The following CTNNA3 variants were observed in gnomAD, a reference collection of about 807,000 sequenced individuals.
CTNNA3 encodes catenin alpha-3.
A neutral mutation model predicts 95.7 loss-of-function variants in CTNNA3; 76 were observed. That is an observed-to-expected ratio of 0.79 (90% confidence interval 0.66 to 0.96). The LOEUF (loss-of-function observed/expected upper bound fraction) is 0.96, where lower values mean the gene tolerates loss of function less well. Among genes scored for constraint, CTNNA3 ranks in the 40% least tolerant of loss-of-function variants. CTNNA3 has a pLI of 0.00. For synonymous variants in CTNNA3, 431 were observed against 374.4 expected (o/e 1.15, Z -1.74); for missense variants, 1,191 against 1,089.8 (o/e 1.09, Z -1.31).
chr10:66,359,935 TCCTG>T lies in CTNNA3; in HGVS notation c.1732+19213_1732+19216del, dbSNP rs545330464. Among the ~76,000 whole-genome samples, 16 of 151,980 alleles carry T rather than the reference TCCTG, an allele frequency of 1.1e-4. No homozygotes were observed. In the East Asian group the frequency reaches 3.1e-3, roughly 30 times the overall value. The stretch of plus-strand genomic sequence containing the variant: ...TCTGCCTCCCAAGTTCAAGCTATTC[TCCTG>T]CCTAAGCCTCCTGAGTAGCTGGGAT... On this transcript the variant is annotated intron_variant, in intron 12 of 17. Transcript: ENST00000433211.
chr10:66,338,844 C>T (rs2092424024), intron 12 of CTNNA3, among the ~76,000 whole-genome samples: 1 of 151,750 alleles, frequency 6.6e-6, no homozygotes, highest in African/African-American at 2.4e-5. Flanking sequence ...GAAAATTTAT[C>T]CTAAGGAAAT....
intron 13 of CTNNA3, among the ~76,000 whole-genome samples, chr10:66,136,260 A>G (rs2133864182): frequency 6.6e-6 from 1 of 152,320 alleles, no homozygotes; most frequent in South Asian, 2.1e-4. Context: ...CATATAATAA[A>G]TCAATTCTCA....
At chr10:67,357,892 T>A (rs1463086470) in intron 5 of CTNNA3, among the ~76,000 whole-genome samples, 1 of 152,104 alleles carries the variant, frequency 6.6e-6, no homozygotes, top group Non-Finnish European at 1.5e-5. Context: ...GAATTCAACA[T>A]AAAGCCTCAG....
chr10:66,061,140 A>ATTT (rs2080188537), intron 15 of CTNNA3, among the ~76,000 whole-genome samples: 2 of 152,120 alleles, frequency 1.3e-5, no homozygotes. Flanking sequence ...TTCACCAAGG[A>ATTT]GAAATCATGT....
chr10:67,711,468 G>C (rs1411795464), intron 1 of CTNNA3, among the ~76,000 whole-genome samples: 1 of 152,180 alleles, frequency 6.6e-6, no homozygotes, highest in Non-Finnish European at 1.5e-5. Context: ...GGTGGCTCTT[G>C]TTATGTTTTA....
intron 5 of CTNNA3, among the ~76,000 whole-genome samples, chr10:67,295,756 TAAG>T (rs1840006448): frequency 6.6e-6 from 1 of 152,106 alleles, no homozygotes; most frequent in Admixed American, 6.5e-5. Flanking sequence ...TTAGCTGGAG[TAAG>T]AAGAATAAGA....
At chr10:67,620,969 A>G (rs1322528799) in intron 2 of CTNNA3, among the ~76,000 whole-genome samples, 5 of 147,426 alleles carry the variant, frequency 3.4e-5, no homozygotes, top group African/African-American at 1.2e-4. Context: ...GTGGATATCT[A>G]TGTATTCAAA....
intron 11 of CTNNA3, among the ~76,000 whole-genome samples, chr10:66,507,633 CAT>C (rs1361422476): frequency 6.6e-6 from 1 of 152,100 alleles, no homozygotes; most frequent in African/African-American, 2.4e-5. Context: ...TTTTACTTAA[CAT>C]AATGTCCTCC....
chr10:67,332,269 A>G (rs1841823413), intron 5 of CTNNA3, among the ~76,000 whole-genome samples: 1 of 152,196 alleles, frequency 6.6e-6, no homozygotes, highest in African/African-American at 2.4e-5. Context: ...TATAAAGTGA[A>G]ACAAAAGGGC....
intron 1 of CTNNA3, among the ~76,000 whole-genome samples, chr10:67,735,855 T>C (rs2133636104): frequency 6.6e-6 from 1 of 152,232 alleles, no homozygotes; most frequent in South Asian, 2.1e-4. Flanking sequence ...GATTTATATA[T>C]AAATGTTCAC....
intron 2 of CTNNA3, among the ~76,000 whole-genome samples, chr10:67,629,544 T>G (rs1177705558): frequency 6.6e-6 from 1 of 152,098 alleles, no homozygotes; most frequent in African/African-American, 2.4e-5. Context: ...TATAGGAAAA[T>G]CCCCACTCTA....
At position 66,361,530 on chromosome 10, in the gene CTNNA3, C is replaced by T. The variant is rs181688950; in HGVS notation, c.1732+17622G>A. 7.4e-3 allele frequency among the ~76,000 whole-genome samples: 1,098 copies of T among 147,836 alleles called. 11 individuals carry two copies. The highest frequency in any genetic ancestry group is 0.025 in the African/African-American group (1,002 of 40,036). On this transcript the variant is annotated intron_variant, in intron 12 of 17. Coordinates refer to ENST00000433211, the MANE Select transcript of CTNNA3 (RefSeq NM_013266.4). ...TCTTTCCCTCTCTCTGCATCTTTCT[C>T]TCTTTCTTTCTTTCTTTCTTTTTTA...
chr10:66,185,379 G>A (rs1220598222), intron 13 of CTNNA3, among the ~76,000 whole-genome samples: 1 of 151,954 alleles, frequency 6.6e-6, no homozygotes, highest in Non-Finnish European at 1.5e-5. Flanking sequence ...TTTTAAAAAT[G>A]CTTCAAAGAG....
At chr10:66,501,763 T>C (rs1338188558) in intron 11 of CTNNA3, among the ~76,000 whole-genome samples, 1 of 152,158 alleles carries the variant, frequency 6.6e-6, no homozygotes, top group Non-Finnish European at 1.5e-5. Context: ...AGGGAGATTC[T>C]GATTATTTTG....
chr10:66,963,845 ATT>A lies in CTNNA3; in HGVS notation c.1048-188323_1048-188322del, dbSNP rs56659477. On this transcript the variant is annotated intron_variant, in intron 7 of 17. Coordinates refer to ENST00000433211, the MANE Select transcript of CTNNA3 (RefSeq NM_013266.4). ...TTGTTTTATCAGTGCATAGACATCA[ATT>A]TTTTTTTTTTTTTTAAGATGGAGTC... Among the ~76,000 whole-genome samples the A allele has an allele frequency of 5.6e-3, 803 of 143,850 alleles. 16 individuals are homozygous for A. The East Asian group carries it at 0.07, about 13-fold the overall frequency. 94.4% of individuals were successfully genotyped at this position (143,850 alleles called of 152,430 possible).
chr10:66,987,707 T>C (rs1850811880), intron 7 of CTNNA3, among the ~76,000 whole-genome samples: 1 of 152,146 alleles, frequency 6.6e-6, no homozygotes, highest in Non-Finnish European at 1.5e-5. Flanking sequence ...AAACATAGAA[T>C]ATAAACATAA....
chr10:66,819,896 G>A (rs181528592), intron 7 of CTNNA3, among the ~76,000 whole-genome samples: 31 of 152,214 alleles, frequency 2.0e-4, no homozygotes, highest in African/African-American at 7.5e-4. Context: ...ATGTAAAATT[G>A]TGCAGCCACT....
intron 7 of CTNNA3, among the ~76,000 whole-genome samples, chr10:67,078,704 C>G (rs561155071): frequency 1.4e-4 from 21 of 151,976 alleles, no homozygotes; most frequent in South Asian, 1.2e-3. Context: ...TTTTAGTAGA[C>G]ATGGGGTTTC....
At chr10:67,249,968 C>T (rs1211437331) in intron 5 of CTNNA3, among the ~76,000 whole-genome samples, 5 of 152,206 alleles carry the variant, frequency 3.3e-5, no homozygotes, top group African/African-American at 1.2e-4. Flanking sequence ...TTGGATGAAA[C>T]AACATTATTG....
Sources: gnomAD v4.1 joint callset for allele counts (sites outside exome capture counted in the v4.1 genomes callset) on GRCh38, gnomAD v4.1.1 for gene constraint, MANE v1.5 for transcripts, NCBI Gene and HGNC (gene_info 2026-07-23, HGNC 2026-07-21) for gene names.